Variants in RBFOX1 observed in about 807,000 individuals in gnomAD.
The protein encoded by RBFOX1 is RNA binding fox-1 homolog 1.
In RBFOX1, 8 loss-of-function variants were observed where a neutral mutation model predicts 57.7. The observed-to-expected ratio is 0.14, with a 90% confidence interval of 0.08 to 0.25. RBFOX1 has a LOEUF of 0.25. Ranked by LOEUF, RBFOX1 falls within the 10% of genes least tolerant of loss-of-function variation. RBFOX1 has a pLI of 1.00. For synonymous variants in RBFOX1, 326 were observed against 222.4 expected (o/e 1.47, Z -4.15); for missense variants, 611 against 548.5 (o/e 1.11, Z -1.14).
intron 1 of RBFOX1, among the ~76,000 whole-genome samples, chr16:5,443,365 T>C (rs2068143355): frequency 6.6e-6 from 1 of 152,104 alleles, no homozygotes; most frequent in Non-Finnish European, 1.5e-5. Context: ...TTAGATGGAG[T>C]GTCACTCTGT....
intron 4 of RBFOX1, among the ~76,000 whole-genome samples, chr16:7,217,637 A>T (rs2092316115): frequency 6.6e-6 from 1 of 151,228 alleles, no homozygotes; most frequent in Non-Finnish European, 1.5e-5. Context: ...CTTGAAAAGG[A>T]AAAAAAAATG....
intron 2 of RBFOX1, among the ~76,000 whole-genome samples, chr16:6,447,732 A>T (rs577552565): frequency 6.6e-6 from 1 of 152,334 alleles, no homozygotes; most frequent in African/African-American, 2.4e-5. Context: ...ATGCCACACC[A>T]AATGCTGCTG....
intron 1 of RBFOX1, among the ~76,000 whole-genome samples, chr16:5,466,739 C>G (rs1425323838): frequency 6.6e-6 from 1 of 152,160 alleles, no homozygotes; most frequent in African/African-American, 2.4e-5. Context: ...TCTGGCTGCT[C>G]CAGGCTGCCT....
At chr16:6,830,017 A>G (rs1306292679) in intron 3 of RBFOX1, among the ~76,000 whole-genome samples, 1 of 152,086 alleles carries the variant, frequency 6.6e-6, no homozygotes, top group Non-Finnish European at 1.5e-5. Context: ...TCTGGGTTCA[A>G]GTGATTCTCA....
At chr16:5,657,572 G>T (rs1425320761) in intron 3 of RBFOX1, among the ~76,000 whole-genome samples, 4 of 151,566 alleles carry the variant, frequency 2.6e-5, no homozygotes, top group African/African-American at 9.7e-5. Flanking sequence ...GGACTTGGAG[G>T]GTTTGGTTTG....
chr16:5,904,243 C>G (rs1390470659), intron 4 of RBFOX1, among the ~76,000 whole-genome samples: 1 of 152,058 alleles, frequency 6.6e-6, no homozygotes, highest in African/African-American at 2.4e-5. Flanking sequence ...CTGTGAAAAA[C>G]TAATTTTCTG....
chr16:5,731,218 A>C (rs756698090), intron 3 of RBFOX1, among the ~76,000 whole-genome samples: 2 of 141,806 alleles, frequency 1.4e-5, no homozygotes. Flanking sequence ...AAGATCATCA[A>C]CAACACTATC....
intron 3 of RBFOX1, among the ~76,000 whole-genome samples, chr16:6,657,976 A>G (rs944697585): frequency 2.6e-4 from 40 of 152,224 alleles, no homozygotes; most frequent in African/African-American, 9.4e-4. Context: ...GTTTCCAGAT[A>G]TTCCACATAT....
intron 2 of RBFOX1, among the ~76,000 whole-genome samples, chr16:6,500,208 G>T (rs915442162): frequency 2.6e-5 from 4 of 152,074 alleles, no homozygotes; most frequent in Admixed American, 2.6e-4. Flanking sequence ...TTAAAAGAAT[G>T]GTATCTTCTA....
chr16:6,967,907 A>G (rs142921332), intron 3 of RBFOX1, among the ~76,000 whole-genome samples: 180 of 152,238 alleles, frequency 1.2e-3, no homozygotes, highest in African/African-American at 3.9e-3. Context: ...CACTGCTCCA[A>G]TTCCTCCCAC....
chr16:6,744,770 C>G (rs1478155062), intron 3 of RBFOX1, among the ~76,000 whole-genome samples: 1 of 151,986 alleles, frequency 6.6e-6, no homozygotes, highest in African/African-American at 2.4e-5. Flanking sequence ...CTTACTTTAT[C>G]TTCTGCCTTA....
rs928351080 is a variant in RBFOX1, at chr16:6,088,920, T to C, written c.-127+68928T>C. Among the ~76,000 whole-genome samples the C allele has an allele frequency of 1.3e-4, 20 of 151,750 alleles. No homozygotes were observed. In the East Asian group the frequency reaches 1.9e-3, roughly 15 times the overall value. On this transcript the variant is annotated intron_variant, in intron 1 of 15. Transcript: ENST00000550418. The stretch of plus-strand genomic sequence containing the variant: ...TACCATCCTCGCTAACACAGTGAAA[T>C]CCCATCTCTACTAAAAATACAAAAA...
intron 3 of RBFOX1, among the ~76,000 whole-genome samples, chr16:6,825,784 A>T (rs80142172): frequency 0.052 from 7,938 of 152,104 alleles, 720 homozygotes; most frequent in African/African-American, 0.18. Flanking sequence ...GCAGCTAATG[A>T]AAGGTAAGGG....
intron 4 of RBFOX1, among the ~76,000 whole-genome samples, chr16:7,214,761 C>T (rs903019988): frequency 3.3e-5 from 5 of 152,112 alleles, no homozygotes; most frequent in East Asian, 1.9e-4. Context: ...CCATGGTTTC[C>T]TTCACTGTCT....
chr16:6,401,324 G>T (rs28429952), intron 2 of RBFOX1, among the ~76,000 whole-genome samples: 2 of 152,092 alleles, frequency 1.3e-5, no homozygotes, highest in African/African-American at 4.8e-5. Context: ...AAATGCATAA[G>T]TGTACACTGA....
chr16:6,617,903 G>T (rs558875505), intron 2 of RBFOX1, among the ~76,000 whole-genome samples: 9 of 152,272 alleles, frequency 5.9e-5, no homozygotes, highest in African/African-American at 1.9e-4. Context: ...TCTGGGGGCA[G>T]GGGTAACAGC....
At chr16:6,758,065 C>G (rs553857825) in intron 3 of RBFOX1, among the ~76,000 whole-genome samples, 1 of 152,182 alleles carries the variant, frequency 6.6e-6, no homozygotes, top group East Asian at 1.9e-4. Flanking sequence ...CTTCTTTATA[C>G]CAATAAGAAG....
chr16:5,290,701 CTTT>C (rs34357490), intron 1 of RBFOX1, among the ~76,000 whole-genome samples: 2 of 145,320 alleles, frequency 1.4e-5, no homozygotes, highest in African/African-American at 2.5e-5. Flanking sequence ...ATTTAAGGGA[CTTT>C]TTTTTTTTTT....
chr16:7,040,446 A>G (rs1389520016), intron 3 of RBFOX1, among the ~76,000 whole-genome samples: 1 of 152,182 alleles, frequency 6.6e-6, no homozygotes, highest in Non-Finnish European at 1.5e-5. Context: ...TTTAAATTAT[A>G]TTATTATTGC....
Sources: gnomAD v4.1 joint callset for allele counts (sites outside exome capture counted in the v4.1 genomes callset) on GRCh38, gnomAD v4.1.1 for gene constraint, MANE v1.5 for transcripts, NCBI Gene and HGNC (gene_info 2026-07-23, HGNC 2026-07-21) for gene names.